Variants in LPP observed in about 807,000 individuals in gnomAD.
The protein encoded by LPP is LIM domain containing preferred translocation partner in lipoma.
Under a neutral mutation model 60.4 loss-of-function variants are expected in LPP, and 38 were observed. The observed-to-expected ratio is 0.63, with a 90% CI of 0.49 to 0.83. The LOEUF (loss-of-function observed/expected upper bound fraction) is 0.83. Among genes scored for constraint, LPP ranks in the 40% least tolerant of loss-of-function variants. The probability of loss-of-function intolerance (pLI) is 0.00; values close to 1 mark genes in which losing one functional copy is unlikely to be tolerated. For missense variants in LPP, 902 were observed against 783.6 expected (o/e 1.15, Z -1.80); for synonymous variants, 328 against 290.8 (o/e 1.13, Z -1.30).
intron 7 of LPP, among the ~76,000 whole-genome samples, chr3:188,672,014 T>C (rs1857047870): frequency 6.6e-6 from 1 of 152,210 alleles, no homozygotes. Context: ...ATAGCAATCA[T>C]TGTTTAAATA....
At chr3:188,552,757 A>T (rs763007374) in intron 6 of LPP, among the ~76,000 whole-genome samples, 30 of 152,180 alleles carry the variant, frequency 2.0e-4, no homozygotes, top group Non-Finnish European at 3.7e-4. Flanking sequence ...TTAAGAACTC[A>T]TGTGATTAGA....
chr3:188,748,922 C>CT lies in LPP; in HGVS notation c.1241-11183dup, dbSNP rs1051842592. On this transcript the variant is annotated intron_variant, in intron 8 of 11. Transcript: ENST00000617246. Reference sequence around the variant, plus strand: ...GGTCAAACAGGGACCAGAGCCTTGACTTTTTTTTGCCTCAACACAGCTCTG... The same window carrying CT: ...GGTCAAACAGGGACCAGAGCCTTGACTTTTTTTTTGCCTCAACACAGCTCTG... Among the ~76,000 whole-genome samples the CT allele has an allele frequency of 3.9e-5, 6 of 152,000 alleles. No homozygotes were observed. The South Asian group carries it at 6.2e-4, about 16-fold the overall frequency.
chr3:188,234,280 T>C (rs1721120811), intron 2 of LPP, among the ~76,000 whole-genome samples: 1 of 152,150 alleles, frequency 6.6e-6, no homozygotes, highest in Admixed American at 6.6e-5. Flanking sequence ...TCATGGCTCA[T>C]CTTTGTGGTT....
intron 7 of LPP, among the ~76,000 whole-genome samples, chr3:188,670,841 G>A (rs1271879817): frequency 1.3e-5 from 2 of 152,170 alleles, no homozygotes; most frequent in African/African-American, 4.8e-5. Flanking sequence ...TATGACCACA[G>A]GCTTTATATT....
intron 5 of LPP, among the ~76,000 whole-genome samples, chr3:188,488,030 T>G (rs1348019766): frequency 6.6e-6 from 1 of 151,894 alleles, no homozygotes; most frequent in Non-Finnish European, 1.5e-5. Context: ...CTTTTTTTTT[T>G]TTTTTTGGAA....
chr3:188,665,940 C>G (rs1464826093), intron 7 of LPP, among the ~76,000 whole-genome samples: 1 of 152,224 alleles, frequency 6.6e-6, no homozygotes, highest in Non-Finnish European at 1.5e-5. Flanking sequence ...TGTGCTTTAT[C>G]TGGCAGGATC....
intron 7 of LPP, among the ~76,000 whole-genome samples, chr3:188,632,050 C>T (rs535936427): frequency 6.6e-6 from 1 of 152,234 alleles, no homozygotes; most frequent in East Asian, 1.9e-4. Context: ...GCTTCATTTC[C>T]TTCCTCGTCA....
intron 9 of LPP, among the ~76,000 whole-genome samples, chr3:188,845,817 C>T (rs151066727): frequency 5.5e-4 from 84 of 152,234 alleles, no homozygotes; most frequent in African/African-American, 1.9e-3. Flanking sequence ...CTGTCCTAGA[C>T]CGAAAGCTTA....
intron 7 of LPP, among the ~76,000 whole-genome samples, chr3:188,651,237 C>A (rs2148969398): frequency 6.6e-6 from 1 of 152,282 alleles, no homozygotes; most frequent in South Asian, 2.1e-4. Context: ...GTCTGCCTTC[C>A]AGGAACCCTT....
At chr3:188,543,011 T>C (rs559002033) in intron 6 of LPP, among the ~76,000 whole-genome samples, 74 of 152,292 alleles carry the variant, frequency 4.9e-4, no homozygotes, top group African/African-American at 1.7e-3. Flanking sequence ...AAGATACTTT[T>C]CTTTTCATGC....
chr3:188,175,842 AT>A (rs542070780), intron 1 of LPP, among the ~76,000 whole-genome samples: 308 of 146,968 alleles, frequency 2.1e-3, no homozygotes, highest in African/African-American at 3.6e-3. Context: ...GTACATGTTA[AT>A]TTTTTTTTTT....
At chr3:188,359,782 T>C (rs148416707) in intron 3 of LPP, among the ~76,000 whole-genome samples, 18 of 152,260 alleles carry the variant, frequency 1.2e-4, no homozygotes, top group African/African-American at 4.3e-4. Flanking sequence ...TGTCTCCAGG[T>C]TGTAAATGAG....
At chr3:188,351,842 G>C (rs559029336) in intron 3 of LPP, among the ~76,000 whole-genome samples, 10 of 152,246 alleles carry the variant, frequency 6.6e-5, no homozygotes, top group East Asian at 5.8e-4. Context: ...ATCAAAATTG[G>C]CGTTGGGGGA....
rs144613711 is a variant in LPP at position 188,171,901 on chromosome 3, C to A, written c.-190+17649C>A. ...TCACTCTCTACCCGAACTGACACTT[C>A]AGGGATGAAAATGTCAGCAGACAGC... On this transcript the variant is annotated intron_variant, in intron 1 of 11. Coordinates refer to ENST00000617246, the MANE Select transcript of LPP (RefSeq NM_001375462.1). Among the ~76,000 whole-genome samples, 13 of 152,270 alleles carry A rather than the reference C, an allele frequency of 8.5e-5. 1 individual carries two copies. The highest frequency in any genetic ancestry group is 2.9e-4 in the African/African-American group (12 of 41,552).
chr3:188,821,709 GT>G (rs1380928283), intron 9 of LPP, among the ~76,000 whole-genome samples: 1 of 151,786 alleles, frequency 6.6e-6, no homozygotes, highest in Non-Finnish European at 1.5e-5. Context: ...ATGTGTATTT[GT>G]TTTATTCCAA....
chr3:188,175,537 A>G (rs1210713843), intron 1 of LPP, among the ~76,000 whole-genome samples: 1 of 152,182 alleles, frequency 6.6e-6, no homozygotes, highest in Non-Finnish European at 1.5e-5. Context: ...AATAGTACTC[A>G]TTGGGATGTG....
chr3:188,282,149 A>G lies in LPP; in HGVS notation c.-67+56622A>G, dbSNP rs117130180. On this transcript the variant is annotated intron_variant, in intron 2 of 11. Coordinates refer to ENST00000617246, the MANE Select transcript of LPP (RefSeq NM_001375462.1). ...CCTCCCTCCCTTGCAATACTTTCCT[A>G]CCTTTCATACTTTCTTTATTATATT... 1.1e-3 allele frequency among the ~76,000 whole-genome samples: 160 copies of G among 140,308 alleles called. 3 individuals carry two copies. Among genetic ancestry groups the G allele is most frequent in the Admixed American group, 7.9e-3 (108 of 13,608 alleles). 92.0% of individuals were successfully genotyped at this position (140,308 alleles called of 152,430 possible). A position where few individuals can be genotyped will look rare whatever the true frequency, so the allele number is the denominator to read the frequency against.
chr3:188,671,632 C>T (rs893766638), intron 7 of LPP, among the ~76,000 whole-genome samples: 1 of 152,170 alleles, frequency 6.6e-6, no homozygotes. Flanking sequence ...TTCTGATAAT[C>T]AAGGGGCAGT....
intron 9 of LPP, among the ~76,000 whole-genome samples, chr3:188,827,402 G>T (rs1755852494): frequency 6.6e-6 from 1 of 152,186 alleles, no homozygotes; most frequent in Admixed American, 6.5e-5. Context: ...TATACAAATA[G>T]TACAGACAAA....
Sources: gnomAD v4.1 joint callset for allele counts (sites outside exome capture counted in the v4.1 genomes callset) on GRCh38, gnomAD v4.1.1 for gene constraint, MANE v1.5 for transcripts, NCBI Gene and HGNC (gene_info 2026-07-23, HGNC 2026-07-21) for gene names.